RNF135: variants seen among roughly 807,000 people sequenced by gnomAD.
RNF135 encodes the protein ring finger protein 135, also known as E3 ubiquitin-protein ligase RNF135.
In RNF135, 46 loss-of-function variants were observed where a neutral mutation model predicts 41.9. The ratio of observed to expected loss-of-function variants is 1.10; its 90% CI spans 0.87 to 1.40. RNF135 has a LOEUF of 1.40. RNF135 is among the 40% of genes most tolerant of loss of function. RNF135 has a pLI of 0.00. For synonymous variants in RNF135, 238 were observed against 223.8 expected, an observed-to-expected ratio of 1.06 and a Z score of -0.57; for missense variants, 539 against 549.8, an observed-to-expected ratio of 0.98 and a Z score of 0.20.
At chr17:30,978,045 A>G (rs1598082292) in intron 1 of RNF135, among the ~76,000 whole-genome samples, 1 of 152,330 alleles carries the variant, frequency 6.6e-6, no homozygotes, top group Non-Finnish European at 1.5e-5. Flanking sequence ...AGCACTTTAC[A>G]TATGTCATGG....
At position 30,994,785 on chromosome 17, in the gene RNF135, C is replaced by T. The variant is rs554984305; in HGVS notation, c.680-2457C>T. On this transcript the variant is annotated intron_variant, in intron 3 of 4. Coordinates refer to ENST00000328381, the MANE Select transcript of RNF135 (RefSeq NM_032322.4). ...AGTAGCTGGCATTACAAGCATCCAC[C>T]ACCACACCTGGCTAATTTTTTTTAT... Among the ~76,000 whole-genome samples, 147 of 151,222 alleles carry T rather than the reference C, an allele frequency of 9.7e-4. 3 individuals carry two copies. The highest frequency in any genetic ancestry group is 9.7e-3 in the Admixed American group (147 of 15,208).
intron 3 of RNF135, chr17:30,993,812 A>C: frequency 1.1e-6 from 1 of 920,216 alleles, no homozygotes. Context: ...GAATTAATTA[A>C]TTAATTAATT....
chr17:30,987,703 T>G (rs1213433139), intron 2 of RNF135, among the ~76,000 whole-genome samples: 2 of 152,184 alleles, frequency 1.3e-5, no homozygotes, highest in Admixed American at 1.3e-4. Flanking sequence ...TAAAGCAAAT[T>G]AAAGTGCTCC....
intron 1 of RNF135, among the ~76,000 whole-genome samples, chr17:30,978,014 A>G (rs184823933): frequency 6.6e-6 from 1 of 152,324 alleles, no homozygotes; most frequent in East Asian, 1.9e-4. Flanking sequence ...ATAGTTTTCT[A>G]GGGTAAAAGT....
chr17:30,961,156 A>C, the RNF135 span, among the ~76,000 whole-genome samples: 3 of 152,188 alleles, frequency 2.0e-5, no homozygotes, highest in Non-Finnish European at 2.9e-5. Flanking sequence ...CTATATGGCT[A>C]TACCATACCT....
At chr17:30,984,927 G>T (rs991848487) in intron 2 of RNF135, among the ~76,000 whole-genome samples, 167 bp downstream of exon 2, 3 of 152,174 alleles carry the variant, frequency 2.0e-5, no homozygotes, top group African/African-American at 7.2e-5. Context: ...GAATGCTTGA[G>T]GTAAGGTTGG....
chr17:30,983,353 A>ATATATATATATATTT (rs1420453160), intron 1 of RNF135, among the ~76,000 whole-genome samples: 19 of 35,726 alleles, frequency 5.3e-4, no homozygotes, highest in Admixed American at 9.7e-4. Flanking sequence ...ATATATATAT[A>ATATATATATATATTT]TTTTTTTTTT....
At chr17:30,969,822 T>C (rs1404018416), upstream of RNF135, among the ~76,000 whole-genome samples, 3 of 148,150 alleles carry the variant, frequency 2.0e-5, no homozygotes, top group South Asian at 6.4e-4. Context: ...TGGAGTGCAG[T>C]GGCGCAGTCT....
intron 1 of RNF135, chr17:30,975,502 A>G: frequency 1.3e-6 from 1 of 777,534 alleles, no homozygotes; most frequent in Non-Finnish European, 2.4e-6. Flanking sequence ...ATGAGAACCC[A>G]TACCCAAACC....
chr17:30,961,039 T>C, the RNF135 span, among the ~76,000 whole-genome samples: 5 of 152,028 alleles, frequency 3.3e-5, no homozygotes, highest in African/African-American at 1.2e-4. Context: ...ACGCCAGGCC[T>C]GTAATTTTTA....
At chr17:30,976,456 T>C (rs1186225204) in intron 1 of RNF135, among the ~76,000 whole-genome samples, 1 of 152,228 alleles carries the variant, frequency 6.6e-6, no homozygotes, top group Non-Finnish European at 1.5e-5. Flanking sequence ...TCCATAAATA[T>C]CCATTAGGTC....
chr17:30,967,856 T>C (rs1005618430), upstream of RNF135, among the ~76,000 whole-genome samples: 48 of 152,032 alleles, frequency 3.2e-4, no homozygotes, highest in African/African-American at 1.1e-3. Context: ...TGCCTGCAAC[T>C]ACGCCCAGCT....
In RNF135 at chr17:30,984,712, GC is replaced by G. The variant is rs1313938233; in HGVS notation, c.472del (p.Leu158TyrfsTer10). The G allele has an allele frequency of 6.8e-6, 11 of 1,614,178 alleles. No individual in the cohort carries two copies. The highest frequency in any genetic ancestry group is 9.3e-6 in the Non-Finnish European group (11 of 1,180,022). ...DIVRSLQNQR[P>X]LSESGPDNEL... ...TTGTCAGAAGCCTGCAGAATCAGAG[GC>G]CCCTATCAGAATCTGGACCAGACAA... On this transcript the variant is annotated frameshift_variant, in exon 2 of 5. Transcript: ENST00000328381. LOFTEE classifies it high-confidence loss of function.
Position 30,987,996 on chromosome 17 carries a change from C to T in RNF135, c.569C>T (p.Ser190Phe), listed in dbSNP as rs143388386. Reference protein sequence around the residue: ...LSMASPKLVTSDTAAGKIRDI... With the variant: ...LSMASPKLVTFDTAAGKIRDI... ...ATGGCTTCTCCAAAGCTGGTGACTTCCGACACAGCTGCAGGGAAAATCAGA... is the reference window on the plus strand; with the variant it reads ...ATGGCTTCTCCAAAGCTGGTGACTTTCGACACAGCTGCAGGGAAAATCAGA... The change falls in exon 3 of 5, where the codon TCC (serine) becomes TTC (phenylalanine). Residue 190 changes from serine to phenylalanine, a missense_variant. By Grantham distance (155) the Ser-to-Phe change is radical. Transcript: ENST00000328381. 3.7e-6 allele frequency: 6 copies of T among 1,613,998 alleles called. No individual in the cohort carries two copies. The African/African-American group carries it at 8.0e-5, about 22-fold the overall frequency.
intron 1 of RNF135, among the ~76,000 whole-genome samples, chr17:30,983,353 A>ATATATATATAT (rs1420453160): frequency 1.0e-3 from 36 of 35,732 alleles, no homozygotes; most frequent in Non-Finnish European, 1.5e-3. Context: ...ATATATATAT[A>ATATATATATAT]TTTTTTTTTT....
rs533313539 is a variant in RNF135, at chr17:30,987,955, T to C, written c.528T>C (p.Ser176=). 14 of 1,614,156 alleles carry C rather than the reference T, an allele frequency of 8.7e-6. No homozygotes were observed. The South Asian group carries it at 1.5e-4, about 18-fold the overall frequency. Reference sequence around the variant, plus strand: ...TGGTTTATCAATAGGCTTTTTCTTCTGGGGTGGATCTTTCCATGGCTTCTC... The same window carrying C: ...TGGTTTATCAATAGGCTTTTTCTTCCGGGGTGGATCTTTCCATGGCTTCTC... The part of the protein sequence containing the change: ...ELSILGKAFS[S]GVDLSMASPK... The change falls in exon 3 of 5, where the codon TCT becomes TCC. Residue 176 remains serine (S), a synonymous_variant. Coordinates refer to ENST00000328381, the MANE Select transcript of RNF135 (RefSeq NM_032322.4).
chr17:30,987,792 C>T, intron 2 of RNF135, 152 bp from the exon 3 acceptor site: 1 of 677,140 alleles, frequency 1.5e-6, no homozygotes, highest in Non-Finnish European at 2.5e-6. Flanking sequence ...AGATTTTTTT[C>T]AAGGCATATT....
chr17:30,978,991 T>G (rs1906710836), intron 1 of RNF135: 1 of 194,566 alleles, frequency 5.1e-6, no homozygotes, highest in African/African-American at 2.6e-5. Flanking sequence ...AAATGAAAAG[T>G]CTCCCATGTC....
At chr17:30,979,674 C>T (rs1598085155) in intron 1 of RNF135, among the ~76,000 whole-genome samples, 2 of 136,762 alleles carry the variant, frequency 1.5e-5, no homozygotes, top group African/African-American at 5.5e-5. Context: ...ATCCCCCCCA[C>T]CTCCCTCCCG....
Sources: allele counts gnomAD v4.1 joint callset (sites outside exome capture counted in the v4.1 genomes callset), GRCh38; gene constraint gnomAD v4.1.1; transcripts MANE v1.5; gene names NCBI Gene and HGNC (gene_info 2026-07-23, HGNC 2026-07-21).